Variants in MICU3 observed in about 807,000 individuals in gnomAD.
The protein encoded by MICU3 is calcium uptake protein 3, mitochondrial.
In MICU3, 62 loss-of-function variants were observed where a neutral mutation model predicts 66.5. The observed-to-expected ratio is 0.93, with a 90% CI of 0.76 to 1.15. The LOEUF is 1.15. Among genes scored for constraint, MICU3 ranks in the 50% most tolerant of loss-of-function variants. The probability of loss-of-function intolerance (pLI) is 0.00; values close to 1 mark genes in which losing one functional copy is unlikely to be tolerated. For missense variants in MICU3, 779 were observed against 664.4 expected (o/e 1.17, Z -1.90); for synonymous variants, 308 against 240.7 (o/e 1.28, Z -2.59).
intron 9 of MICU3, among the ~76,000 whole-genome samples, chr8:17,099,774 A>G (rs976894323): frequency 5.9e-5 from 9 of 151,712 alleles, no homozygotes; most frequent in Admixed American, 4.6e-4. Flanking sequence ...TAGAGTGCAT[A>G]CAAGTCAACT....
chr8:17,083,912 T>G lies in MICU3; in HGVS notation c.695-1324T>G, dbSNP rs561020890. Among the ~76,000 whole-genome samples, 792 of 152,136 alleles carry G rather than the reference T, an allele frequency of 5.2e-3. 7 individuals are homozygous for G. The highest frequency in any genetic ancestry group is 0.018 in the African/African-American group (753 of 41,528). ...CAAGGATAAGAAGTGTTGGCTAGGG[T>G]AGCCAATTGTTGAGATGGGACAGGG... On this transcript the variant is annotated intron_variant, in intron 5 of 14. Transcript: ENST00000318063.
chr8:17,100,759 C>T (rs2150801313), intron 9 of MICU3, among the ~76,000 whole-genome samples: 1 of 151,604 alleles, frequency 6.6e-6, no homozygotes, highest in African/African-American at 2.4e-5. Flanking sequence ...ACTGTGAAAC[C>T]ATATAATGAA....
intron 8 of MICU3, 40 bp from the exon 9 acceptor site, chr8:17,098,418 A>T: frequency 1.7e-6 from 2 of 1,199,434 alleles, no homozygotes; most frequent in Admixed American, 3.4e-5. Flanking sequence ...CTTTGTAACT[A>T]TTCTTTAGAT....
chr8:17,096,204 C>G (rs920328470), intron 8 of MICU3, among the ~76,000 whole-genome samples: 1 of 151,888 alleles, frequency 6.6e-6, no homozygotes, highest in South Asian at 2.1e-4. Flanking sequence ...TCACAGCCAT[C>G]AAAGTGTCCA....
chr8:17,107,983 G>T (rs1044341786), intron 11 of MICU3, among the ~76,000 whole-genome samples: 6 of 152,170 alleles, frequency 3.9e-5, no homozygotes, highest in Admixed American at 1.3e-4. Context: ...AGATAAGCAT[G>T]GCTTGGACCA....
the MICU3 span, chr8:17,131,829 A>G: frequency 6.6e-6 from 1 of 152,206 alleles, no homozygotes; most frequent in Admixed American, 6.5e-5. Context: ...CTAGCTAGCA[A>G]AGGAGAAATA....
intron 9 of MICU3, 82 bp downstream of exon 9, chr8:17,098,635 G>T: frequency 1.1e-6 from 1 of 889,896 alleles, no homozygotes; most frequent in Non-Finnish European, 1.9e-6. Flanking sequence ...TCACAGTGAT[G>T]AAACCCAACA....
intron 6 of MICU3, among the ~76,000 whole-genome samples, chr8:17,086,067 C>T (rs1049419633): frequency 2.0e-5 from 3 of 152,028 alleles, no homozygotes; most frequent in African/African-American, 7.2e-5. Flanking sequence ...TCTTTACCTA[C>T]ACTCTCCGAG....
At chr8:17,076,711 T>C (rs2150702497) in intron 3 of MICU3, among the ~76,000 whole-genome samples, 1 of 152,350 alleles carries the variant, frequency 6.6e-6, no homozygotes, top group Non-Finnish European at 1.5e-5. Flanking sequence ...TTGTCTGAAA[T>C]GCCTTCCAAA....
chr8:17,093,006 T>C (rs766331677), intron 8 of MICU3, among the ~76,000 whole-genome samples: 1 of 152,074 alleles, frequency 6.6e-6, no homozygotes, highest in Non-Finnish European at 1.5e-5. Flanking sequence ...GTGGTCTCTG[T>C]AGTGAACTGT....
At chr8:17,098,348 G>C (rs1800944478) in intron 8 of MICU3, 110 bp from the exon 9 acceptor site, 1 of 788,572 alleles carries the variant, frequency 1.3e-6, no homozygotes, top group African/African-American at 1.7e-5. Context: ...AACAAAAAAA[G>C]GTAAGCTAAT....
At chr8:17,077,030 C>T (rs536921712) in intron 3 of MICU3, among the ~76,000 whole-genome samples, 65 of 152,262 alleles carry the variant, frequency 4.3e-4, no homozygotes, top group Non-Finnish European at 7.8e-4. Context: ...TTTTAACAGA[C>T]TATACACAAT....
At chr8:17,047,859 A>T (rs1412587746) in intron 1 of MICU3, among the ~76,000 whole-genome samples, 2 of 152,246 alleles carry the variant, frequency 1.3e-5, no homozygotes, top group South Asian at 4.1e-4. Flanking sequence ...AAAGGGGTGA[A>T]ATTCAAGAAG....
intron 13 of MICU3, 134 bp from the exon 14 acceptor site, chr8:17,118,573 G>A (rs933078223): frequency 2.6e-5 from 13 of 498,518 alleles, no homozygotes; most frequent in East Asian, 2.2e-4. Flanking sequence ...CAGTCCCCCA[G>A]CCTTCCAGCC....
the MICU3 span, among the ~76,000 whole-genome samples, chr8:17,129,031 C>T: frequency 6.6e-6 from 1 of 152,156 alleles, no homozygotes; most frequent in African/African-American, 2.4e-5. Context: ...GTGAAGGTCT[C>T]ACTGAACAAC....
intron 11 of MICU3, among the ~76,000 whole-genome samples, chr8:17,106,202 T>C (rs1801721650): frequency 6.6e-6 from 1 of 152,006 alleles, no homozygotes; most frequent in African/African-American, 2.4e-5. Context: ...TCTTCAAGAG[T>C]GGGATGTTTT....
chr8:17,112,901 T>G (rs1802333865), intron 11 of MICU3, among the ~76,000 whole-genome samples: 1 of 152,156 alleles, frequency 6.6e-6, no homozygotes, highest in Non-Finnish European at 1.5e-5. Flanking sequence ...CCCTTTCTGG[T>G]GCAGTCCTCC....
chr8:17,052,312 A>G (rs766068086), intron 1 of MICU3, among the ~76,000 whole-genome samples: 4 of 152,138 alleles, frequency 2.6e-5, no homozygotes, highest in Non-Finnish European at 5.9e-5. Context: ...CAAGGTATTT[A>G]GGTTATCCAT....
rs1377713119 is a variant in MICU3, at chr8:17,120,488, T to C, written c.*201T>C. 3.9e-5 allele frequency: 6 copies of C among 152,114 alleles called. No individual in the cohort carries two copies. Among genetic ancestry groups the C allele is most frequent in the Non-Finnish European group, 7.4e-5 (5 of 67,958 alleles). The allele number at this position is 152,114 out of a possible 1,614,324, so 9.4% of individuals were successfully genotyped here. Reference sequence around the variant, plus strand: ...ATGCATCTTGTTACTACAAATGTTATATATATAAAATCAAGTTGAGCTTTG... The same window carrying C: ...ATGCATCTTGTTACTACAAATGTTACATATATAAAATCAAGTTGAGCTTTG... On this transcript the variant is annotated 3_prime_UTR_variant, in exon 15 of 15. Coordinates refer to ENST00000318063, the MANE Select transcript of MICU3 (RefSeq NM_181723.3).
Sources: gnomAD v4.1 joint callset for allele counts (sites outside exome capture counted in the v4.1 genomes callset) on GRCh38, gnomAD v4.1.1 for gene constraint, MANE v1.5 for transcripts, NCBI Gene and HGNC (gene_info 2026-07-23, HGNC 2026-07-21) for gene names.